The following TRPM7 variants were observed in gnomAD, a reference collection of about 807,000 sequenced individuals.
TRPM7 encodes the protein transient receptor potential cation channel subfamily M member 7.
Under a neutral mutation model 229.7 loss-of-function variants are expected in TRPM7, and 134 were observed. The observed-to-expected ratio is 0.58, with a 90% CI of 0.51 to 0.67. The LOEUF (loss-of-function observed/expected upper bound fraction) is 0.67. TRPM7 is among the 30% of genes least tolerant of loss of function. The pLI is 0.00. For missense variants in TRPM7, 1,901 were observed against 2,210.0 expected, an observed-to-expected ratio of 0.86 and a Z score of 2.80; for synonymous variants, 699 against 715.2, an observed-to-expected ratio of 0.98 and a Z score of 0.36.
At chr15:50,620,968 G>C (rs2060381237) in intron 12 of TRPM7, among the ~76,000 whole-genome samples, 1 of 150,864 alleles carries the variant, frequency 6.6e-6, no homozygotes, top group Non-Finnish European at 1.5e-5. Flanking sequence ...TTCCATCCTG[G>C]CTAACACGGT....
At chr15:50,612,499 T>C (rs764537785) in intron 16 of TRPM7, 50 bp downstream of exon 16, 11 of 1,556,180 alleles carry the variant, frequency 7.1e-6, no homozygotes, top group African/African-American at 2.7e-5. Context: ...ACTCAAACAA[T>C]ACCTACTTTG....
At chr15:50,586,676 C>A (rs573293402) in intron 27 of TRPM7, 188 bp from the exon 28 acceptor site, 1 of 454,426 alleles carries the variant, frequency 2.2e-6, no homozygotes. Flanking sequence ...CACCAAAACA[C>A]CTTATTTTCC....
intron 13 of TRPM7, among the ~76,000 whole-genome samples, chr15:50,615,497 A>G (rs2060199350): frequency 6.6e-6 from 1 of 152,210 alleles, no homozygotes; most frequent in Non-Finnish European, 1.5e-5. Context: ...TTAAAATTTA[A>G]AAACTGGTTA....
chr15:50,649,848 TACA>T (rs1400244323), intron 3 of TRPM7, among the ~76,000 whole-genome samples: 1 of 152,028 alleles, frequency 6.6e-6, no homozygotes, highest in Non-Finnish European at 1.5e-5. Context: ...AGGAGGGAGC[TACA>T]ACGAGAAAGT....
At chr15:50,661,197 G>A (rs900212708) in intron 2 of TRPM7, among the ~76,000 whole-genome samples, 3 of 151,842 alleles carry the variant, frequency 2.0e-5, no homozygotes, top group Non-Finnish European at 2.9e-5. Flanking sequence ...GGCTGGTCTC[G>A]AACTCCTGAC....
At chr15:50,630,364 T>A (rs868539616) in intron 10 of TRPM7, among the ~76,000 whole-genome samples, 1 of 152,142 alleles carries the variant, frequency 6.6e-6, no homozygotes, top group Non-Finnish European at 1.5e-5. Context: ...AAGGACAGTA[T>A]CCTCTTAATG....
chr15:50,604,728 G>T, intron 21 of TRPM7, 138 bp downstream of exon 21: 1 of 799,166 alleles, frequency 1.3e-6, no homozygotes, highest in Non-Finnish European at 2.0e-6. Flanking sequence ...TTAAGGAATG[G>T]CAGATGTGAA....
chr15:50,683,506 G>A (rs1002697256), intron 1 of TRPM7, among the ~76,000 whole-genome samples: 2 of 151,722 alleles, frequency 1.3e-5, no homozygotes, highest in East Asian at 1.9e-4. Flanking sequence ...AGGCCGAGGC[G>A]GGTGGATCAC....
chr15:50,624,285 G>A lies in TRPM7; in HGVS notation c.1321C>T (p.Gln441Ter). The stretch of plus-strand genomic sequence containing the variant: ...ATTACAAGAGCATCAAGCATAGCTT[G>A]TTCCAAGGATCCAACCTAGGAGTAT... ...GQQWLVGSLE[Q>*]AMLDALVMDR... The change falls in exon 12 of 39, where the codon CAA (glutamine) becomes TAA (stop). Residue 441 changes from glutamine (Q) to a stop codon, truncating the protein, a stop_gained. Transcript: ENST00000646667. LOFTEE classifies it high-confidence loss of function. 1 of 1,604,096 alleles carries A rather than the reference G, an allele frequency of 6.2e-7. No homozygotes were observed. Among genetic ancestry groups the A allele is most frequent in the Non-Finnish European group, 8.5e-7 (1 of 1,176,536 alleles).
chr15:50,638,284 G>A (rs1256367879), intron 6 of TRPM7, among the ~76,000 whole-genome samples: 1 of 142,728 alleles, frequency 7.0e-6, no homozygotes, highest in African/African-American at 2.6e-5. Context: ...GCGTGAACCC[G>A]GGAGGCGGAG....
intron 7 of TRPM7, among the ~76,000 whole-genome samples, chr15:50,634,768 T>G (rs754708646): frequency 3.3e-5 from 5 of 152,172 alleles, no homozygotes; most frequent in Admixed American, 3.3e-4. Context: ...AATGAATACT[T>G]TGTCACTATC....
chr15:50,575,395 T>G (rs2054082955), intron 33 of TRPM7, among the ~76,000 whole-genome samples: 1 of 152,254 alleles, frequency 6.6e-6, no homozygotes, highest in Non-Finnish European at 1.5e-5. Context: ...ACTAAAATTC[T>G]ACACACTTCT....
intron 30 of TRPM7, 48 bp downstream of exon 30, chr15:50,580,826 A>C: frequency 1.3e-6 from 2 of 1,536,680 alleles, no homozygotes; most frequent in Non-Finnish European, 1.7e-6. Context: ...GACAACATTC[A>C]ATAACTATGA....
intron 32 of TRPM7, 38 bp downstream of exon 32, chr15:50,575,831 C>A: frequency 6.2e-7 from 1 of 1,611,512 alleles, no homozygotes; most frequent in Non-Finnish European, 8.5e-7. Flanking sequence ...CTGTAAAGGT[C>A]CAAAATGCTA....
intron 19 of TRPM7, 40 bp from the exon 20 acceptor site, chr15:50,607,368 C>A: frequency 6.9e-7 from 1 of 1,445,654 alleles, no homozygotes; most frequent in Non-Finnish European, 9.3e-7. Flanking sequence ...ACATTGGTTA[C>A]AAAATAAATC....
intron 1 of TRPM7, among the ~76,000 whole-genome samples, chr15:50,676,540 G>A (rs575981131): frequency 3.3e-5 from 5 of 151,898 alleles, no homozygotes; most frequent in East Asian, 3.9e-4. Flanking sequence ...TCAACACAGC[G>A]AGACCTCATC....
At chr15:50,580,493 C>T (rs919916221) in intron 30 of TRPM7, among the ~76,000 whole-genome samples, 1 of 152,070 alleles carries the variant, frequency 6.6e-6, no homozygotes. Context: ...AAAGCAGATG[C>T]AAGGTTTTGA....
chr15:50,657,984 A>G (rs987014215), intron 2 of TRPM7, among the ~76,000 whole-genome samples, 165 bp from the exon 3 acceptor site: 6 of 151,058 alleles, frequency 4.0e-5, no homozygotes, highest in African/African-American at 1.2e-4. Context: ...TCAAATAACT[A>G]TTTTTTAACT....
At chr15:50,604,355 C>G (rs1381208519) in intron 21 of TRPM7, 1 of 152,276 alleles carries the variant, frequency 6.6e-6, no homozygotes, top group Non-Finnish European at 1.5e-5. Context: ...GGCAGATCAT[C>G]TGAGGTCAGG....
Sources: allele counts gnomAD v4.1 joint callset (sites outside exome capture counted in the v4.1 genomes callset), GRCh38; gene constraint gnomAD v4.1.1; transcripts MANE v1.5; gene names NCBI Gene and HGNC (gene_info 2026-07-23, HGNC 2026-07-21).